RNPEP: variants seen among roughly 807,000 people sequenced by gnomAD.
RNPEP encodes the protein aminopeptidase B.
Under a neutral mutation model 70.1 loss-of-function variants are expected in RNPEP, and 57 were observed. That is an observed-to-expected ratio of 0.81 (90% confidence interval 0.66 to 1.01). The LOEUF (loss-of-function observed/expected upper bound fraction) is 1.01, where lower values mean the gene tolerates loss of function less well. Ranked by LOEUF, RNPEP falls within the 50% of genes least tolerant of loss-of-function variation. RNPEP has a pLI of 0.00. For synonymous variants in RNPEP, 335 were observed against 357.4 expected (o/e 0.94, Z 0.71); for missense variants, 787 against 852.4 (o/e 0.92, Z 0.96).
At position 202,005,578 on chromosome 1, in the gene RNPEP, T is replaced by TC; in HGVS notation, c.1817dup (p.Leu607AlafsTer10). 1 of 1,614,170 alleles carries TC rather than the reference T, an allele frequency of 6.2e-7. No homozygotes were observed. The highest frequency in any genetic ancestry group is 8.5e-7 in the Non-Finnish European group (1 of 1,180,038). On this transcript the variant is annotated frameshift_variant, in exon 11 of 11. Coordinates refer to ENST00000295640, the MANE Select transcript of RNPEP (RefSeq NM_020216.4). LOFTEE classifies it high-confidence loss of function. Reference sequence around the variant, plus strand: ...TGCAGGGGAAGCAGAAGTATACACTTCCGCTGTACCACGCAATGATGGGTG... The same window carrying TC: ...TGCAGGGGAAGCAGAAGTATACACTTCCCGCTGTACCACGCAATGATGGGTG...
intron 1 of RNPEP, chr1:201,983,748 TG>T (rs1264880476): frequency 1.8e-6 from 2 of 1,114,952 alleles, no homozygotes; most frequent in Non-Finnish European, 2.2e-6. Context: ...TTCTCACTGT[TG>T]GTTAACTCTT....
rs770289364 is a variant in RNPEP, at chr1:202,004,362, A to C, written c.1660A>C (p.Lys554Gln). ...QKSPLPPGNV[K>Q]KLGDTYPSIS... The stretch of plus-strand genomic sequence containing the variant: ...TTCTTTCTCTTCTCCAGGGAATGTG[A>C]AAAAACTTGGAGACACATACCCAAG... Residue 554 changes from lysine (K) to glutamine (Q), a missense_variant, in exon 10 of 11, where the codon AAA (lysine) becomes CAA (glutamine). By Grantham distance (53) the Lys-to-Gln change is moderately conservative. Coordinates refer to ENST00000295640, the MANE Select transcript of RNPEP (RefSeq NM_020216.4). 3.1e-6 allele frequency: 5 copies of C among 1,614,016 alleles called. No individual in the cohort carries two copies. The African/African-American group carries it at 5.3e-5, about 17-fold the overall frequency.
chr1:201,996,337 C>G (rs1683550300), intron 4 of RNPEP, 74 bp downstream of exon 4: 1 of 1,048,376 alleles, frequency 9.5e-7, no homozygotes, highest in African/African-American at 1.6e-5. Flanking sequence ...CTTCGTGTGG[C>G]TTTTCCACCT....
chr1:202,001,326 G>A lies in RNPEP; in HGVS notation c.1205-50G>A, dbSNP rs370299638. 8.5e-4 allele frequency: 1,068 copies of A among 1,256,946 alleles called. 4 individuals are homozygous for A. The highest frequency in any genetic ancestry group is 1.1e-3 in the Non-Finnish European group (971 of 856,008). 77.9% of individuals were successfully genotyped at this position (1,256,946 alleles called of 1,614,324 possible). On this transcript the variant is annotated intron_variant, in intron 6 of 10. Coordinates refer to ENST00000295640, the MANE Select transcript of RNPEP (RefSeq NM_020216.4). ...CTGTGGAGCTAGAGAAGAACGTTAC[G>A]GGTGACAGGCTACAAAAGCTCAAAT...
In RNPEP at chr1:202,005,576, C is replaced by T. The variant is rs1235925574; in HGVS notation, c.1813C>T (p.Leu605Phe). 1 of 1,614,098 alleles carries T rather than the reference C, an allele frequency of 6.2e-7. No homozygotes were observed. The highest frequency in any genetic ancestry group is 1.3e-5 in the African/African-American group (1 of 74,930). ...CTTGCAGGGGAAGCAGAAGTATACA[C>T]TTCCGCTGTACCACGCAATGATGGG... ...LHNQGKQKYTLPLYHAMMGGS... is the reference protein window; with the variant it reads ...LHNQGKQKYTFPLYHAMMGGS... The change falls in exon 11 of 11, where the codon CTT becomes TTT. Residue 605 changes from leucine to phenylalanine, a missense_variant. By Grantham distance (22) the Leu-to-Phe change is conservative. Transcript: ENST00000295640.
At position 202,000,004 on chromosome 1, in the gene RNPEP, A is replaced by G. The variant is rs757063494; in HGVS notation, c.1193A>G (p.Lys398Arg). 6.2e-6 allele frequency: 10 copies of G among 1,613,028 alleles called. No individual in the cohort carries two copies. Among genetic ancestry groups the G allele is most frequent in the Non-Finnish European group, 6.8e-6 (8 of 1,179,448 alleles). ...EENPLNKLRV[K>R]IEPGVDPDDT... ...AACCCACTCAACAAGCTCCGCGTGA[A>G]GATTGAACCAGGTCCAGGAGGCTCC... The change falls in exon 6 of 11, where the codon AAG becomes AGG. Residue 398 changes from lysine (K) to arginine (R), a missense_variant. Transcript: ENST00000295640.
rs201233925 is a variant in RNPEP at position 202,001,331 on chromosome 1, A to G, written c.1205-45A>G. The G allele has an allele frequency of 5.0e-5, 66 of 1,317,152 alleles. No homozygotes were observed. In the African/African-American group the frequency reaches 9.0e-4, roughly 18 times the overall value. The allele number at this position is 1,317,152 out of a possible 1,614,324, so 81.6% of individuals were successfully genotyped here. A position where few individuals can be genotyped will look rare whatever the true frequency, so the allele number is the denominator to read the frequency against. ...GAGCTAGAGAAGAACGTTACGGGTG[A>G]CAGGCTACAAAAGCTCAAATCTTGT... On this transcript the variant is annotated intron_variant, in intron 6 of 10. Coordinates refer to ENST00000295640, the MANE Select transcript of RNPEP (RefSeq NM_020216.4).
intron 1 of RNPEP, chr1:201,984,021 C>G: frequency 3.5e-6 from 1 of 282,420 alleles, no homozygotes; most frequent in South Asian, 1.3e-4. Flanking sequence ...ACCTCTGCGT[C>G]GTGGGTTCGA....
At chr1:201,988,696 G>A (rs1023456916) in intron 1 of RNPEP, among the ~76,000 whole-genome samples, 1 of 152,284 alleles carries the variant, frequency 6.6e-6, no homozygotes, top group Middle Eastern at 3.4e-3. Context: ...TGGTGGCTCT[G>A]CCCTGTGAAG....
chr1:202,001,928 A>G (rs944760470), intron 8 of RNPEP, among the ~76,000 whole-genome samples, 161 bp downstream of exon 8: 1 of 152,144 alleles, frequency 6.6e-6, no homozygotes, highest in Non-Finnish European at 1.5e-5. Context: ...TTATTCCACA[A>G]GAATGACTTC....
At chr1:201,996,463 C>CTTTG in intron 4 of RNPEP, 200 bp downstream of exon 4, 1 of 327,620 alleles carries the variant, frequency 3.1e-6, no homozygotes, top group South Asian at 3.1e-5. Context: ...AGATGAGGTT[C>CTTTG]TTTGTGTGTG....
At chr1:202,000,908 A>ATAAAAT (rs1359017783) in intron 6 of RNPEP, 1 of 154,064 alleles carries the variant, frequency 6.5e-6, no homozygotes, top group African/African-American at 2.4e-5. Context: ...AAAAAAAAAA[A>ATAAAAT]AAAACATTGA....
In RNPEP at chr1:201,985,642, C is replaced by G. The variant is rs967189963; in HGVS notation, c.447+2529C>G. On this transcript the variant is annotated intron_variant, in intron 1 of 10. Transcript: ENST00000295640. The stretch of plus-strand genomic sequence containing the variant: ...ATACACACAGATTCCCCTCTTGCTA[C>G]CATTTTGCATTAGTATGACACATTT... Among the ~76,000 whole-genome samples the G allele has an allele frequency of 7.9e-5, 12 of 152,238 alleles. No individual in the cohort carries two copies. In the South Asian group the frequency reaches 2.5e-3, roughly 32 times the overall value.
rs2102979172 is a variant in RNPEP, at chr1:201,999,965, T to C, written c.1154T>C (p.Ile385Thr). ...GRALLRQHMD[I>T]TGEENPLNKL... ...GCTCTGCTGCGTCAGCACATGGACA[T>C]CACTGGAGAGGAAAACCCACTCAAC... The change falls in exon 6 of 11, where the codon ATC becomes ACC. Residue 385 changes from isoleucine (I) to threonine (T), a missense_variant. Coordinates refer to ENST00000295640, the MANE Select transcript of RNPEP (RefSeq NM_020216.4). 2 of 1,614,040 alleles carry C rather than the reference T, an allele frequency of 1.2e-6. No homozygotes were observed. The highest frequency in any genetic ancestry group is 4.5e-5 in the East Asian group (2 of 44,878).
rs543715838 is a variant in RNPEP, at chr1:201,987,686, C to T, written c.448-1218C>T. On this transcript the variant is annotated intron_variant, in intron 1 of 10. Coordinates refer to ENST00000295640, the MANE Select transcript of RNPEP (RefSeq NM_020216.4). ...CGCCTGACCTCAAGTGATCCACCTG[C>T]GTCGGACTCCCAAAGTGCTGGGATT... 8.6e-5 allele frequency among the ~76,000 whole-genome samples: 13 copies of T among 151,812 alleles called. No individual in the cohort carries two copies. In the South Asian group the frequency reaches 1.2e-3, roughly 15 times the overall value.
intron 1 of RNPEP, among the ~76,000 whole-genome samples, chr1:201,984,830 T>C (rs1445913782): frequency 6.9e-4 from 9 of 12,956 alleles, no homozygotes; most frequent in East Asian, 2.4e-3. Context: ...TCTTTTTTTT[T>C]TTTTTTTTTT....
At chr1:201,983,955 C>CCTCAAAT in intron 1 of RNPEP, 1 of 836,004 alleles carries the variant, frequency 1.2e-6, no homozygotes, top group Non-Finnish European at 1.4e-6. Context: ...TTATTTGAGG[C>CCTCAAAT]AGAGTCTCAC....
At chr1:201,984,821 CTTTTTTT>C (rs200795347) in intron 1 of RNPEP, among the ~76,000 whole-genome samples, 11 of 121,994 alleles carry the variant, frequency 9.0e-5, no homozygotes, top group Admixed American at 2.7e-4. Context: ...GTATTTCTTT[CTTTTTTT>C]TTTTTTTTTT....
At chr1:201,991,216 G>A (rs562977219) in intron 3 of RNPEP, among the ~76,000 whole-genome samples, 2 of 152,254 alleles carry the variant, frequency 1.3e-5, no homozygotes, top group African/African-American at 4.8e-5. Flanking sequence ...CTGGGTTCAA[G>A]TGATTCTCCT....
Sources: gnomAD v4.1 joint callset for allele counts (sites outside exome capture counted in the v4.1 genomes callset) on GRCh38, gnomAD v4.1.1 for gene constraint, MANE v1.5 for transcripts, NCBI Gene and HGNC (gene_info 2026-07-23, HGNC 2026-07-21) for gene names.